SCYL3: variants seen among roughly 807,000 people sequenced by gnomAD.
SCYL3 encodes the protein protein-associating with the carboxyl-terminal domain of ezrin.
A neutral mutation model predicts 73.8 loss-of-function variants in SCYL3; 35 were observed. The observed-to-expected ratio is 0.47, with a 90% CI of 0.36 to 0.63. The LOEUF (loss-of-function observed/expected upper bound fraction) is 0.63, where lower values mean the gene tolerates loss of function less well. Among genes scored for constraint, SCYL3 ranks in the 20% least tolerant of loss-of-function variants. The pLI, the probability that SCYL3 is intolerant of heterozygous loss-of-function variation, is 0.00. For synonymous variants in SCYL3, 277 were observed against 295.2 expected (o/e 0.94, Z 0.63); for missense variants, 712 against 798.9 (o/e 0.89, Z 1.31).
chr1:169,867,191 T>C (rs1660091427), intron 7 of SCYL3, among the ~76,000 whole-genome samples: 2 of 152,228 alleles, frequency 1.3e-5, no homozygotes, highest in African/African-American at 4.8e-5. Context: ...GTGACGAGGA[T>C]ACAAGTTTAA....
chr1:169,854,834 A>T lies in SCYL3; in HGVS notation c.1443T>A (p.Pro481=), dbSNP rs139029870. ...TGACAGTTTGATTTTCAGGCTCCTC[A>T]GGTTCACTCCAGTCAGGCCACTCCT... ...KSEEWPDWSE[P]EEPENQTVNI... is the part of the protein sequence containing the mutation. The change falls in exon 12 of 13, where the codon CCT becomes CCA. Residue 481 remains proline, a synonymous_variant. Coordinates refer to ENST00000367771, the MANE Select transcript of SCYL3 (RefSeq NM_020423.7). 63 of 1,613,934 alleles carry T rather than the reference A, an allele frequency of 3.9e-5. No homozygotes were observed. In the African/African-American group the frequency reaches 7.9e-4, roughly 20 times the overall value.
chr1:169,868,570 C>A (rs558087558), intron 7 of SCYL3, among the ~76,000 whole-genome samples: 1 of 152,236 alleles, frequency 6.6e-6, no homozygotes, highest in African/African-American at 2.4e-5. Flanking sequence ...ATAATGGCAG[C>A]AGAAAAGAAA....
chr1:169,852,719 ACTCCAGTC>A lies in SCYL3; in HGVS notation c.*986_*993del. 9 of 1,494,214 alleles carry A rather than the reference ACTCCAGTC, an allele frequency of 6.0e-6. No homozygotes were observed. Among genetic ancestry groups the A allele is most frequent in the Non-Finnish European group, 7.4e-6 (8 of 1,081,978 alleles). 92.6% of individuals were successfully genotyped at this position (1,494,214 alleles called of 1,614,324 possible). Reference sequence around the variant, plus strand: ...AGAATAAAATTTGCATGTAAGCTTTACTCCAGTCCAAAAGGAAGGTTCTTTATATTTAG... The same window carrying A: ...AGAATAAAATTTGCATGTAAGCTTTACAAAAGGAAGGTTCTTTATATTTAG... On this transcript the variant is annotated 3_prime_UTR_variant, in exon 13 of 13. Transcript: ENST00000367771.
chr1:169,852,002 C>G lies in SCYL3; in HGVS notation c.*1711G>C, dbSNP rs560942004. 1 of 1,606,510 alleles carries G rather than the reference C, an allele frequency of 6.2e-7. No homozygotes were observed. Among genetic ancestry groups the G allele is most frequent in the South Asian group, 1.1e-5 (1 of 90,508 alleles). On this transcript the variant is annotated 3_prime_UTR_variant, in exon 13 of 13. Coordinates refer to ENST00000367771, the MANE Select transcript of SCYL3 (RefSeq NM_020423.7). ...AAATTCTGCCCTTTTTACTTACTGACGAAACAAACCAGTGTGGTTTCCAGC... is the reference window on the plus strand; with the variant it reads ...AAATTCTGCCCTTTTTACTTACTGAGGAAACAAACCAGTGTGGTTTCCAGC...
At chr1:169,884,406 G>A (rs1661527371) in intron 2 of SCYL3, among the ~76,000 whole-genome samples, 1 of 151,968 alleles carries the variant, frequency 6.6e-6, no homozygotes, top group Admixed American at 6.6e-5. Flanking sequence ...CAAATGATTC[G>A]TCTGCCTCAA....
In SCYL3 at chr1:169,866,909, T is replaced by C. The variant is rs760894230; in HGVS notation, c.802A>G (p.Thr268Ala). ...SLTLKSEEEK[T>A]EFFKFLLDRV... ...TTCTGAACTTACTTAAAGAATTCCG[T>C]TTTCTCCTCTTCACTCTTCAATGTT... The change falls in exon 8 of 13, where the codon ACG becomes GCG. Residue 268 changes from threonine to alanine, a missense_variant. Transcript: ENST00000367771. 48 of 1,566,782 alleles carry C rather than the reference T, an allele frequency of 3.1e-5. No homozygotes were observed. The highest frequency in any genetic ancestry group is 4.0e-5 in the Non-Finnish European group (46 of 1,145,520).
In SCYL3 at chr1:169,870,364, G is replaced by T; in HGVS notation, c.523-7C>A. 6.3e-7 allele frequency: 1 copy of T among 1,592,390 alleles called. No homozygotes were observed. The highest frequency in any genetic ancestry group is 8.6e-7 in the Non-Finnish European group (1 of 1,162,034). ...GAGTTGTGAATTCTGGAGACTAAAA[G>T]CAGTGAAGACAATTAAAACTAGAGG... On this transcript the variant is annotated splice_polypyrimidine_tract_variant and splice_region_variant and intron_variant, in intron 5 of 12. Transcript: ENST00000367771.
chr1:169,853,916 C>A, intron 12 of SCYL3, 144 bp from the exon 13 acceptor site: 2 of 882,888 alleles, frequency 2.3e-6, no homozygotes, highest in South Asian at 1.7e-5. Context: ...ACTTAGAGCT[C>A]TAACAGAAAG....
At chr1:169,855,576 G>A (rs778314183) in intron 11 of SCYL3, among the ~76,000 whole-genome samples, 1 of 152,108 alleles carries the variant, frequency 6.6e-6, no homozygotes, top group Non-Finnish European at 1.5e-5. Context: ...AAGTATCAGT[G>A]CAAAAAAGAA....
chr1:169,862,554 T>C, intron 10 of SCYL3, 59 bp downstream of exon 10: 1 of 1,513,094 alleles, frequency 6.6e-7, no homozygotes, highest in Admixed American at 1.9e-5. Context: ...CAAAACTCTT[T>C]CTTTCAGCAC....
rs186030784 is a variant in SCYL3, at chr1:169,886,484, A to C, written c.165+2192T>G. 5.3e-3 allele frequency among the ~76,000 whole-genome samples: 803 copies of C among 152,312 alleles called. 2 individuals carry two copies. Among genetic ancestry groups the C allele is most frequent in the Non-Finnish European group, 8.7e-3 (595 of 68,018 alleles). On this transcript the variant is annotated intron_variant, in intron 2 of 12. Transcript: ENST00000367771. ...CCAAATTCATTATGGGGAAGAGCAT[A>C]ATGACTCCAACAATACTAAATAGAG...
At chr1:169,891,427 G>A (rs1043295815) in intron 1 of SCYL3, among the ~76,000 whole-genome samples, 1 of 152,112 alleles carries the variant, frequency 6.6e-6, no homozygotes, top group African/African-American at 2.4e-5. Context: ...ACTTGAATGG[G>A]TCTATGTTCT....
chr1:169,887,617 T>C (rs2102214092), intron 2 of SCYL3, among the ~76,000 whole-genome samples: 1 of 152,210 alleles, frequency 6.6e-6, no homozygotes. Flanking sequence ...ACCTAGATGA[T>C]GTAAAAAAAG....
chr1:169,891,469 G>A (rs1391466719), intron 1 of SCYL3, among the ~76,000 whole-genome samples: 1 of 152,190 alleles, frequency 6.6e-6, no homozygotes, highest in Non-Finnish European at 1.5e-5. Context: ...TAGGCAGAAA[G>A]CTCTACTTGG....
chr1:169,882,225 C>T (rs1028429121), intron 2 of SCYL3, among the ~76,000 whole-genome samples: 14 of 152,232 alleles, frequency 9.2e-5, no homozygotes, highest in African/African-American at 2.7e-4. Flanking sequence ...GGCCCTGCCA[C>T]CCGGGGCAAT....
At chr1:169,879,977 G>T (rs986451273) in intron 2 of SCYL3, among the ~76,000 whole-genome samples, 2 of 151,948 alleles carry the variant, frequency 1.3e-5, no homozygotes, top group African/African-American at 2.4e-5. Flanking sequence ...TTTAAAAAAT[G>T]ATCAGAGGGG....
intron 3 of SCYL3, among the ~76,000 whole-genome samples, chr1:169,878,084 G>A (rs1660982268): frequency 6.6e-6 from 1 of 152,190 alleles, no homozygotes; most frequent in African/African-American, 2.4e-5. Flanking sequence ...CCATCTTCTA[G>A]TAATAGCAAA....
At position 169,852,065 on chromosome 1, in the gene SCYL3, T is replaced by A; in HGVS notation, c.*1648A>T. The A allele has an allele frequency of 7.6e-7, 1 of 1,308,244 alleles. No homozygotes were observed. The highest frequency in any genetic ancestry group is 1.1e-6 in the Non-Finnish European group (1 of 929,734). 81.0% of individuals were successfully genotyped at this position (1,308,244 alleles called of 1,614,324 possible). On this transcript the variant is annotated 3_prime_UTR_variant, in exon 13 of 13. Transcript: ENST00000367771. ...TTCAAATCAAATAGATCTAGACATGTAAAATTCTGTTTTATGGTAGTTGCT... is the reference window on the plus strand; with the variant it reads ...TTCAAATCAAATAGATCTAGACATGAAAAATTCTGTTTTATGGTAGTTGCT...
At chr1:169,881,003 C>G (rs1254723070) in intron 2 of SCYL3, among the ~76,000 whole-genome samples, 1 of 152,172 alleles carries the variant, frequency 6.6e-6, no homozygotes. Context: ...CTCGGGCAAT[C>G]CGCCCACCTC....
Sources: gnomAD v4.1 joint callset for allele counts (sites outside exome capture counted in the v4.1 genomes callset) on GRCh38, gnomAD v4.1.1 for gene constraint, MANE v1.5 for transcripts, NCBI Gene and HGNC (gene_info 2026-07-23, HGNC 2026-07-21) for gene names.